Variants in TBCK observed in about 807,000 individuals in gnomAD.
TBCK encodes the protein TBC1 domain containing kinase.
In TBCK, 99 loss-of-function variants were observed where a neutral mutation model predicts 113.4. That is an observed-to-expected ratio of 0.87 (90% CI 0.74 to 1.03). The LOEUF (loss-of-function observed/expected upper bound fraction) is 1.03, where lower values mean the gene tolerates loss of function less well. Ranked by LOEUF, TBCK falls within the 50% of genes least tolerant of loss-of-function variation. The pLI is 0.00. For synonymous variants in TBCK, 369 were observed against 370.8 expected, an observed-to-expected ratio of 1.00 and a Z score of 0.05; for missense variants, 1,045 against 1,061.3, an observed-to-expected ratio of 0.98 and a Z score of 0.21.
Position 106,103,972 on chromosome 4 carries a change from A to AACCCT in TBCK, c.2412-8332_2412-8331insAGGGT, listed in dbSNP as rs1741850481. 3.3e-5 allele frequency among the ~76,000 whole-genome samples: 5 copies of AACCCT among 152,298 alleles called. No individual in the cohort carries two copies. In the South Asian group the frequency reaches 1.0e-3, roughly 32 times the overall value. On this transcript the variant is annotated intron_variant, in intron 24 of 25. Transcript: ENST00000394708. ...GGCCCCAGAAAAACACACTTCTCTC[A>AACCCT]CAGGTCTTTGCAACCCTCAGGTCAG... is the stretch of plus-strand genomic sequence containing the variant.
intron 23 of TBCK, among the ~76,000 whole-genome samples, chr4:106,143,593 G>A (rs1031610781): frequency 5.3e-5 from 8 of 152,300 alleles, no homozygotes; most frequent in South Asian, 2.1e-4. Flanking sequence ...TTAGGTTGGT[G>A]CAAGAGGGAC....
intron 20 of TBCK, among the ~76,000 whole-genome samples, chr4:106,195,535 A>G (rs898407230): frequency 6.9e-6 from 1 of 144,258 alleles, no homozygotes; most frequent in South Asian, 2.2e-4. Context: ...TTTCCAGATA[A>G]GATCAGCATT....
At chr4:106,213,658 G>A (rs7675879) in intron 19 of TBCK, 21,592 of 154,082 alleles carry the variant, frequency 0.14, 1,632 homozygotes, top group Middle Eastern at 0.24. Flanking sequence ...GCGCTTTTCC[G>A]ACGGGCTTAA....
intron 23 of TBCK, among the ~76,000 whole-genome samples, chr4:106,162,246 G>C (rs1294391337): frequency 1.3e-5 from 2 of 152,172 alleles, no homozygotes; most frequent in Non-Finnish European, 2.9e-5. Flanking sequence ...ACACATCCAG[G>C]TCATGCTGAT....
chr4:106,290,853 T>A (rs1017316335), intron 3 of TBCK, among the ~76,000 whole-genome samples: 1 of 152,222 alleles, frequency 6.6e-6, no homozygotes, highest in Admixed American at 6.5e-5. Context: ...CGAACCCTAC[T>A]GTGAACCATG....
intron 19 of TBCK, among the ~76,000 whole-genome samples, chr4:106,230,100 C>T (rs990472230): frequency 7.9e-5 from 12 of 151,906 alleles, no homozygotes; most frequent in Non-Finnish European, 1.6e-4. Context: ...AAAACACAAA[C>T]GGCAGTCTCT....
At chr4:106,147,929 T>A (rs915336874) in intron 23 of TBCK, among the ~76,000 whole-genome samples, 8 of 152,156 alleles carry the variant, frequency 5.3e-5, no homozygotes, top group African/African-American at 1.9e-4. Flanking sequence ...GCAAGGAACA[T>A]CCCTGGGAAA....
In TBCK at chr4:106,138,050, A is replaced by G. The variant is rs1746771163; in HGVS notation, c.2236-21672T>C. Among the ~76,000 whole-genome samples the G allele has an allele frequency of 2.8e-5, 4 of 141,406 alleles. 2 individuals are homozygous for G. Among genetic ancestry groups the G allele is most frequent in the Admixed American group, 1.4e-4 (2 of 14,302 alleles). The allele number at this position is 141,406 out of a possible 152,430, so 92.8% of individuals were successfully genotyped here. On this transcript the variant is annotated intron_variant, in intron 23 of 25. Coordinates refer to ENST00000394708, the MANE Select transcript of TBCK (RefSeq NM_001163435.3). ...TAGGCAAGTGTGTTGTGCAAACATC[A>G]TAGGGTGTATTTACACAAACAAAGA...
chr4:106,171,397 G>A, intron 22 of TBCK, 127 bp from the exon 23 acceptor site: 2 of 654,396 alleles, frequency 3.1e-6, no homozygotes, highest in South Asian at 4.8e-5. Context: ...TAGAAAAAAT[G>A]TCAGTAAAAA....
chr4:106,310,369 T>A (rs575233177), intron 1 of TBCK: 1 of 152,302 alleles, frequency 6.6e-6, no homozygotes, highest in East Asian at 1.9e-4. Context: ...TCCCTTCAGA[T>A]TCAGAGGCTT....
intron 19 of TBCK, among the ~76,000 whole-genome samples, chr4:106,228,650 T>G (rs1204839634): frequency 6.6e-6 from 1 of 152,090 alleles, no homozygotes; most frequent in Non-Finnish European, 1.5e-5. Context: ...TGTCTGTTGA[T>G]GGACACTTAG....
chr4:106,174,225 T>C (rs1007073124), intron 22 of TBCK, among the ~76,000 whole-genome samples: 6 of 152,150 alleles, frequency 3.9e-5, no homozygotes, highest in African/African-American at 1.4e-4. Flanking sequence ...ATTTGATTCC[T>C]AACTTTTTGG....
At chr4:106,174,009 A>G (rs1406239212) in intron 22 of TBCK, among the ~76,000 whole-genome samples, 1 of 152,134 alleles carries the variant, frequency 6.6e-6, no homozygotes, top group Admixed American at 6.6e-5. Flanking sequence ...ATTGGCACCC[A>G]TTAGTATTAG....
At chr4:106,260,656 T>A (rs1004128865) in intron 4 of TBCK, 146 bp from the exon 5 acceptor site, 38 of 360,946 alleles carry the variant, frequency 1.1e-4, no homozygotes, top group African/African-American at 7.6e-4. Flanking sequence ...CTGTAGATTT[T>A]AAAAAATCAT....
At chr4:106,115,169 A>T (rs1259763904) in intron 24 of TBCK, among the ~76,000 whole-genome samples, 2 of 152,252 alleles carry the variant, frequency 1.3e-5, no homozygotes, top group Admixed American at 6.5e-5. Context: ...ATGAAAACTT[A>T]TTGCTGATTG....
chr4:106,249,036 A>C, intron 7 of TBCK, 54 bp from the exon 8 acceptor site: 8 of 1,319,092 alleles, frequency 6.1e-6, no homozygotes, highest in Non-Finnish European at 8.4e-6. Context: ...TCTGTCCAAC[A>C]AACCAGAAAA....
At chr4:106,070,418 G>T (rs1209422616) in intron 25 of TBCK, among the ~76,000 whole-genome samples, 1 of 152,036 alleles carries the variant, frequency 6.6e-6, no homozygotes, top group African/African-American at 2.4e-5. Context: ...TTTGTCTTTG[G>T]TTCTATTTAT....
rs1759011146 is a variant in TBCK, at chr4:106,232,787, T to G, written c.1639+151A>C. The G allele has an allele frequency of 6.3e-6, 4 of 632,628 alleles. No homozygotes were observed. In the East Asian group the frequency reaches 1.2e-4, roughly 20 times the overall value. The allele number at this position is 632,628 out of a possible 1,614,324, so 39.2% of individuals were successfully genotyped here. A position where few individuals can be genotyped will look rare whatever the true frequency, so the allele number is the denominator to read the frequency against. On this transcript the variant is annotated intron_variant, in intron 17 of 25. Transcript: ENST00000394708. ...ATTTAGACAAAGATTTTTAAAAATG[T>G]TTGGATGTAAACCTCTCAAAAAATG...
At chr4:106,247,793 TA>T (rs1761000402) in intron 9 of TBCK, 1 of 155,448 alleles carries the variant, frequency 6.4e-6, no homozygotes, top group Admixed American at 6.5e-5. Context: ...GTATGACTAG[TA>T]GTGACATCAT....
Sources: allele counts gnomAD v4.1 joint callset (sites outside exome capture counted in the v4.1 genomes callset), GRCh38; gene constraint gnomAD v4.1.1; transcripts MANE v1.5; gene names NCBI Gene and HGNC (gene_info 2026-07-23, HGNC 2026-07-21).